Variants in GRID1 observed in about 807,000 individuals in gnomAD.
GRID1 encodes glutamate ionotropic receptor delta type subunit 1, also known as glutamate receptor ionotropic, delta-1.
In GRID1, 28 loss-of-function variants were observed where a neutral mutation model predicts 98.0. That is an observed-to-expected ratio of 0.29 (90% CI 0.21 to 0.39). GRID1 has a LOEUF of 0.39. Among genes scored for constraint, GRID1 ranks in the 10% least tolerant of loss-of-function variants. GRID1 has a pLI of 1.00. For missense variants in GRID1, 1,111 were observed against 1,340.5 expected (o/e 0.83, Z 2.67); for synonymous variants, 553 against 538.5 (o/e 1.03, Z -0.37).
At chr10:86,353,746 C>T (rs73342269) in intron 2 of GRID1, among the ~76,000 whole-genome samples, 2,076 of 152,304 alleles carry the variant, frequency 0.014, 39 homozygotes, top group African/African-American at 0.043. Context: ...GGACGGCCCA[C>T]GGGGTTGTTT....
chr10:85,989,589 C>A (rs986257161), intron 4 of GRID1, among the ~76,000 whole-genome samples: 2 of 152,122 alleles, frequency 1.3e-5, no homozygotes, highest in East Asian at 1.9e-4. Flanking sequence ...ATTAAGCATG[C>A]GACAGATCTA....
intron 4 of GRID1, among the ~76,000 whole-genome samples, chr10:86,058,367 A>G (rs541747014): frequency 2.3e-4 from 35 of 152,272 alleles, no homozygotes; most frequent in Admixed American, 2.3e-3. Context: ...CAACCTCTCC[A>G]TGTTCATTAC....
rs561703112 is a variant in GRID1 at position 86,282,465 on chromosome 10, A to C, written c.236-75817T>G. ...AGGTGCCGGCTGAGCCTGTCCTCAC[A>C]GGGGATCCGTGGTCCATCTCAGGGA... On this transcript the variant is annotated intron_variant, in intron 2 of 15. Coordinates refer to ENST00000327946, the MANE Select transcript of GRID1 (RefSeq NM_017551.3). Among the ~76,000 whole-genome samples the C allele has an allele frequency of 2.1e-3, 321 of 152,278 alleles. 1 individual carries two copies. The highest frequency in any genetic ancestry group is 7.2e-3 in the African/African-American group (299 of 41,562).
intron 2 of GRID1, among the ~76,000 whole-genome samples, chr10:86,256,964 C>G (rs527428967): frequency 1.3e-5 from 2 of 152,322 alleles, no homozygotes; most frequent in Admixed American, 1.3e-4. Context: ...TTCTCTCAGG[C>G]TCAGCAACAC....
chr10:86,170,076 A>G (rs1250108893), intron 3 of GRID1, among the ~76,000 whole-genome samples: 1 of 152,194 alleles, frequency 6.6e-6, no homozygotes, highest in Admixed American at 6.5e-5. Context: ...CATTATCCCA[A>G]GCCACCTCTC....
chr10:85,819,688 C>T (rs561945375), intron 8 of GRID1, among the ~76,000 whole-genome samples: 31 of 152,036 alleles, frequency 2.0e-4, no homozygotes, highest in African/African-American at 5.5e-4. Context: ...CAGAGGCAGG[C>T]GGATCACTTG....
chr10:86,243,603 G>A (rs191592473), intron 2 of GRID1, among the ~76,000 whole-genome samples: 1 of 152,178 alleles, frequency 6.6e-6, no homozygotes, highest in Admixed American at 6.5e-5. Flanking sequence ...GTTCCTCTAT[G>A]CCAGGCCCTG....
rs60644459 is a variant in GRID1 at position 86,087,510 on chromosome 10, CTGTGTGTG to C, written c.726+51301_726+51308del. Among the ~76,000 whole-genome samples the C allele has an allele frequency of 3.5e-3, 487 of 140,984 alleles. 10 individuals are homozygous for C. Among genetic ancestry groups the C allele is most frequent in the Admixed American group, 0.025 (358 of 14,200 alleles). 92.5% of individuals were successfully genotyped at this position (140,984 alleles called of 152,430 possible). A position where few individuals can be genotyped will look rare whatever the true frequency, so the allele number is the denominator to read the frequency against. On this transcript the variant is annotated intron_variant, in intron 4 of 15. Transcript: ENST00000327946. ...AGAAGATCCAAGTGTGTGTGTGTGTCTGTGTGTGTGTGTGTGTGTGTGTGTGTTTTCTG... is the reference window on the plus strand; with the variant it reads ...AGAAGATCCAAGTGTGTGTGTGTGTCTGTGTGTGTGTGTGTGTGTTTTCTG...
At chr10:85,898,544 A>G (rs1330082531) in intron 5 of GRID1, among the ~76,000 whole-genome samples, 2 of 152,220 alleles carry the variant, frequency 1.3e-5, no homozygotes, top group African/African-American at 4.8e-5. Context: ...TAGCTATACA[A>G]AATATTGTTT....
At chr10:85,767,190 C>T (rs1213343048) in intron 8 of GRID1, among the ~76,000 whole-genome samples, 1 of 152,164 alleles carries the variant, frequency 6.6e-6, no homozygotes, top group Non-Finnish European at 1.5e-5. Context: ...CTAATATTTC[C>T]CTTTTTACTT....
At chr10:85,828,589 C>T (rs1205548102) in intron 8 of GRID1, among the ~76,000 whole-genome samples, 2 of 151,846 alleles carry the variant, frequency 1.3e-5, no homozygotes, top group African/African-American at 2.4e-5. Flanking sequence ...CAAATAAACA[C>T]AGTCAGAAAT....
At chr10:86,106,266 T>C (rs1052061694) in intron 4 of GRID1, among the ~76,000 whole-genome samples, 6 of 152,172 alleles carry the variant, frequency 3.9e-5, no homozygotes, top group African/African-American at 1.4e-4. Flanking sequence ...AAACATTAGG[T>C]AGGGTATGCA....
At chr10:85,888,493 T>C (rs1297518293) in intron 5 of GRID1, among the ~76,000 whole-genome samples, 1 of 152,220 alleles carries the variant, frequency 6.6e-6, no homozygotes, top group Non-Finnish European at 1.5e-5. Context: ...ATTTTATCAA[T>C]CAACTTGTAT....
intron 4 of GRID1, among the ~76,000 whole-genome samples, chr10:86,101,850 C>T (rs1844300922): frequency 6.6e-6 from 1 of 152,026 alleles, no homozygotes; most frequent in African/African-American, 2.4e-5. Context: ...GACAGAGTCT[C>T]ATTATGGGGC....
chr10:85,915,777 C>T (rs945628542), intron 5 of GRID1, among the ~76,000 whole-genome samples: 26 of 152,178 alleles, frequency 1.7e-4, no homozygotes, highest in African/African-American at 5.8e-4. Context: ...CTTGCTCACA[C>T]TCATGCACAC....
intron 5 of GRID1, among the ~76,000 whole-genome samples, chr10:85,879,141 A>G (rs1166020011): frequency 2.6e-5 from 4 of 152,186 alleles, no homozygotes; most frequent in Admixed American, 6.5e-5. Flanking sequence ...GTGACCTACA[A>G]AGAGGCTTAG....
At chr10:85,638,005 G>A (rs1216696104) in intron 13 of GRID1, among the ~76,000 whole-genome samples, 3 of 152,194 alleles carry the variant, frequency 2.0e-5, no homozygotes, top group Admixed American at 2.0e-4. Context: ...ACAGTGTTTA[G>A]AGGGAAGTTT....
At chr10:86,031,631 C>A (rs146335374) in intron 4 of GRID1, among the ~76,000 whole-genome samples, 7 of 152,096 alleles carry the variant, frequency 4.6e-5, no homozygotes, top group East Asian at 3.9e-4. Flanking sequence ...CTCTGCCCCC[C>A]CTCATCAAAG....
chr10:85,697,990 A>G (rs899597607), intron 12 of GRID1, among the ~76,000 whole-genome samples: 46 of 152,290 alleles, frequency 3.0e-4, no homozygotes, highest in African/African-American at 1.1e-3. Context: ...CAGATTGTCT[A>G]TGTCCGAAGT....
Sources: gnomAD v4.1 joint callset for allele counts (sites outside exome capture counted in the v4.1 genomes callset) on GRCh38, gnomAD v4.1.1 for gene constraint, MANE v1.5 for transcripts, NCBI Gene and HGNC (gene_info 2026-07-23, HGNC 2026-07-21) for gene names.